The following GPR137C variants were observed in gnomAD, a reference collection of about 807,000 sequenced individuals.
GPR137C encodes the protein integral membrane protein GPR137C.
Under a neutral mutation model 43.4 loss-of-function variants are expected in GPR137C, and 27 were observed. The ratio of observed to expected loss-of-function variants is 0.62; its 90% confidence interval spans 0.46 to 0.86. The LOEUF is 0.86. Ranked by LOEUF, GPR137C falls within the 40% of genes least tolerant of loss-of-function variation. The pLI, the probability that GPR137C is intolerant of heterozygous loss-of-function variation, is 0.00. For synonymous variants in GPR137C, 285 were observed against 226.9 expected (o/e 1.26, Z -2.30); for missense variants, 522 against 534.6 (o/e 0.98, Z 0.23).
At chr14:52,555,838 T>C (rs2038184074) in intron 1 of GPR137C, among the ~76,000 whole-genome samples, 1 of 152,160 alleles carries the variant, frequency 6.6e-6, no homozygotes, top group Non-Finnish European at 1.5e-5. Context: ...GAGAACAAAT[T>C]GTCAATTTTT....
At chr14:52,595,564 AATTT>A (rs2038843190) in intron 1 of GPR137C, among the ~76,000 whole-genome samples, 1 of 151,700 alleles carries the variant, frequency 6.6e-6, no homozygotes, top group South Asian at 2.1e-4. Context: ...CTGTTTTATT[AATTT>A]ATCTTGAATC....
chr14:52,573,046 A>G (rs2038496010), intron 1 of GPR137C, among the ~76,000 whole-genome samples: 2 of 152,234 alleles, frequency 1.3e-5, no homozygotes, highest in Admixed American at 1.3e-4. Flanking sequence ...AAGGAGAACT[A>G]CAAACCACTG....
intron 3 of GPR137C, among the ~76,000 whole-genome samples, chr14:52,631,873 T>C (rs2039297651): frequency 6.6e-6 from 1 of 152,090 alleles, no homozygotes; most frequent in Admixed American, 6.6e-5. Flanking sequence ...TTCAGATCTT[T>C]TGCCAACTTG....
chr14:52,553,570 C>T lies in GPR137C; in HGVS notation c.423C>T (p.Leu141=), dbSNP rs765206310. Residue 141 remains leucine (L), a synonymous_variant, in exon 1 of 7, where the codon CTC becomes CTT. Coordinates refer to ENST00000321662, the MANE Select transcript of GPR137C (RefSeq NM_001099652.2). ...PSCLQFSTLC[L]LNLYLAEVIC... is the part of the protein sequence containing the mutation. Reference sequence around the variant, plus strand: ...GTCTCCAGTTCTCCACGCTCTGTCTCCTCAACCTCTACCTGGCGGAGGTAA... The same window carrying T: ...GTCTCCAGTTCTCCACGCTCTGTCTTCTCAACCTCTACCTGGCGGAGGTAA... 10 of 1,591,150 alleles carry T rather than the reference C, an allele frequency of 6.3e-6. No homozygotes were observed. Among genetic ancestry groups the T allele is most frequent in the Non-Finnish European group, 8.5e-6 (10 of 1,169,804 alleles).
At chr14:52,608,201 G>A (rs2039002476) in intron 3 of GPR137C, among the ~76,000 whole-genome samples, 1 of 151,690 alleles carries the variant, frequency 6.6e-6, no homozygotes, top group Admixed American at 6.6e-5. Context: ...GTCTTCTTTT[G>A]TGGTTAAGTG....
At chr14:52,621,871 A>T (rs1210801524) in intron 3 of GPR137C, among the ~76,000 whole-genome samples, 1 of 151,676 alleles carries the variant, frequency 6.6e-6, no homozygotes, top group African/African-American at 2.4e-5. Context: ...TACTATAAAT[A>T]AAAAATTAAG....
At chr14:52,573,653 A>T (rs1054593579) in intron 1 of GPR137C, among the ~76,000 whole-genome samples, 5 of 152,240 alleles carry the variant, frequency 3.3e-5, no homozygotes, top group African/African-American at 1.2e-4. Flanking sequence ...CATTCAGGAC[A>T]TAGGGATGGG....
At chr14:52,560,442 C>G (rs1212669577) in intron 1 of GPR137C, among the ~76,000 whole-genome samples, 1 of 152,124 alleles carries the variant, frequency 6.6e-6, no homozygotes, top group Non-Finnish European at 1.5e-5. Context: ...ATACGAGGGA[C>G]TTAGTGTAGC....
chr14:52,615,550 G>T (rs1212540377), intron 3 of GPR137C, among the ~76,000 whole-genome samples: 3 of 151,526 alleles, frequency 2.0e-5, no homozygotes, highest in Non-Finnish European at 2.9e-5. Context: ...ATTGCTTTGG[G>T]TAGTATGGAC....
chr14:52,612,110 GT>G lies in GPR137C; in HGVS notation c.717+11771del. On this transcript the variant is annotated intron_variant, in intron 3 of 6. Coordinates refer to ENST00000321662, the MANE Select transcript of GPR137C (RefSeq NM_001099652.2). ...TTGCTGTTTTATAGTTTTATGGGCAGTTAGCCATATTATCCTTACTAAAAAT... is the reference window on the plus strand; with the variant it reads ...TTGCTGTTTTATAGTTTTATGGGCAGTAGCCATATTATCCTTACTAAAAAT... 4 of 983,276 alleles carry G rather than the reference GT, an allele frequency of 4.1e-6. No homozygotes were observed. In the African/African-American group the frequency reaches 7.0e-5, roughly 17 times the overall value. The allele number at this position is 983,276 out of a possible 1,614,324, so 60.9% of individuals were successfully genotyped here. A position where few individuals can be genotyped will look rare whatever the true frequency, so the allele number is the denominator to read the frequency against.
At chr14:52,560,080 C>T (rs1329956395) in intron 1 of GPR137C, among the ~76,000 whole-genome samples, 1 of 152,092 alleles carries the variant, frequency 6.6e-6, no homozygotes, top group Non-Finnish European at 1.5e-5. Context: ...TCACTTGAGT[C>T]CAGGAGATAG....
chr14:52,572,975 T>G (rs1327772340), intron 1 of GPR137C, among the ~76,000 whole-genome samples: 1 of 151,928 alleles, frequency 6.6e-6, no homozygotes, highest in African/African-American at 2.4e-5. Flanking sequence ...CATGTATAAT[T>G]GCTACAAAGA....
intron 1 of GPR137C, among the ~76,000 whole-genome samples, chr14:52,554,734 A>G (rs1308684023): frequency 6.6e-6 from 1 of 152,046 alleles, no homozygotes; most frequent in Non-Finnish European, 1.5e-5. Flanking sequence ...AAAATGACGT[A>G]TATTAAGTGT....
chr14:52,596,214 C>T (rs1410350222), intron 1 of GPR137C, among the ~76,000 whole-genome samples: 7 of 152,140 alleles, frequency 4.6e-5, no homozygotes, highest in South Asian at 2.1e-4. Flanking sequence ...GAGGGGCACC[C>T]GCCTGTATGA....
Position 52,627,574 on chromosome 14 carries a change from C to T in GPR137C, c.718-4586C>T, listed in dbSNP as rs192446741. Among the ~76,000 whole-genome samples, 44 of 150,708 alleles carry T rather than the reference C, an allele frequency of 2.9e-4. No homozygotes were observed. The East Asian group carries it at 7.6e-3, about 26-fold the overall frequency. The stretch of plus-strand genomic sequence containing the variant: ...TTTAAAGTGTGCTGTCTGGGCAGTG[C>T]GGTGGCTCACGTCTGTAATCCCAGC... On this transcript the variant is annotated intron_variant, in intron 3 of 6. Transcript: ENST00000321662.
chr14:52,589,441 TAAA>T (rs1566612978), intron 1 of GPR137C, among the ~76,000 whole-genome samples: 1 of 152,148 alleles, frequency 6.6e-6, no homozygotes, highest in Non-Finnish European at 1.5e-5. Flanking sequence ...GGGGGAATTT[TAAA>T]AAGTGATCAA....
At chr14:52,568,092 A>T (rs1171409036) in intron 1 of GPR137C, among the ~76,000 whole-genome samples, 2 of 152,088 alleles carry the variant, frequency 1.3e-5, no homozygotes, top group African/African-American at 4.8e-5. Context: ...CTGCATTTCC[A>T]ACTGAGGTAC....
chr14:52,572,745 A>G (rs1276502099), intron 1 of GPR137C, among the ~76,000 whole-genome samples: 1 of 152,230 alleles, frequency 6.6e-6, no homozygotes, highest in Non-Finnish European at 1.5e-5. Flanking sequence ...AGTTCTGGCC[A>G]GGACAATCAG....
rs529014924 is a variant in GPR137C, at chr14:52,599,167, A to G, written c.488+852A>G. ...TAGTTGTTACTGCTACTTGATACAC[A>G]TAGCAGCCTTAACTGAAGAGTTCTT... On this transcript the variant is annotated intron_variant, in intron 2 of 6. Transcript: ENST00000321662. Among the ~76,000 whole-genome samples the G allele has an allele frequency of 6.6e-5, 10 of 152,350 alleles. No individual in the cohort carries two copies. The East Asian group carries it at 9.6e-4, about 15-fold the overall frequency.
Sources: allele counts gnomAD v4.1 joint callset (sites outside exome capture counted in the v4.1 genomes callset), GRCh38; gene constraint gnomAD v4.1.1; transcripts MANE v1.5; gene names NCBI Gene and HGNC (gene_info 2026-07-23, HGNC 2026-07-21).